Variants in ZNF609 observed in about 807,000 individuals in gnomAD.
The protein encoded by ZNF609 is zinc finger protein 609.
A neutral mutation model predicts 109.5 loss-of-function variants in ZNF609; 11 were observed. That is an observed-to-expected ratio of 0.10 (90% CI 0.06 to 0.17). ZNF609 has a LOEUF of 0.17. Ranked by LOEUF, ZNF609 falls within the 10% of genes least tolerant of loss-of-function variation. The pLI, the probability that ZNF609 is intolerant of heterozygous loss-of-function variation, is 1.00. For missense variants in ZNF609, 1,559 were observed against 1,772.4 expected (o/e 0.88, Z 2.16); for synonymous variants, 646 against 662.0 (o/e 0.98, Z 0.37).
At chr15:64,643,546 A>T (rs1027357800) in intron 3 of ZNF609, among the ~76,000 whole-genome samples, 1 of 152,112 alleles carries the variant, frequency 6.6e-6, no homozygotes, top group African/African-American at 2.4e-5. Flanking sequence ...GGTTAAAAGG[A>T]CCTTTGGCCA....
intron 2 of ZNF609, among the ~76,000 whole-genome samples, chr15:64,606,001 C>T (rs369554919): frequency 6.0e-5 from 9 of 149,302 alleles, no homozygotes; most frequent in African/African-American, 2.2e-4. Flanking sequence ...GTGATCCACC[C>T]GCCTCGGCCT....
At chr15:64,603,851 T>C (rs897710391) in intron 2 of ZNF609, among the ~76,000 whole-genome samples, 2 of 150,856 alleles carry the variant, frequency 1.3e-5, no homozygotes, top group Non-Finnish European at 3.0e-5. Flanking sequence ...TAAAAAAAAA[T>C]AGCCAGGCAT....
chr15:64,658,402 G>T (rs1374016998), intron 3 of ZNF609, among the ~76,000 whole-genome samples: 2 of 152,048 alleles, frequency 1.3e-5, no homozygotes, highest in Non-Finnish European at 2.9e-5. Flanking sequence ...TCCCCATGTT[G>T]ATCAGATTGG....
rs116087052 is a variant in ZNF609, at chr15:64,635,652, A to G, written c.973+12600A>G. Among the ~76,000 whole-genome samples, 927 of 152,294 alleles carry G rather than the reference A, an allele frequency of 6.1e-3. 9 individuals carry two copies. The highest frequency in any genetic ancestry group is 0.021 in the African/African-American group (871 of 41,552). On this transcript the variant is annotated intron_variant, in intron 3 of 9. Transcript: ENST00000326648. ...GGTCTTAGTGCTTACACTGCTAAAAACAGGTCCTGGCCCTGCCCTATTTGA... is the reference window on the plus strand; with the variant it reads ...GGTCTTAGTGCTTACACTGCTAAAAGCAGGTCCTGGCCCTGCCCTATTTGA...
intron 1 of ZNF609, among the ~76,000 whole-genome samples, chr15:64,463,291 G>A (rs1198229697): frequency 6.6e-6 from 1 of 151,988 alleles, no homozygotes; most frequent in Admixed American, 6.6e-5. Context: ...CCAGCTTCTT[G>A]GGAGGCTGAG....
chr15:64,487,375 T>G lies in ZNF609; in HGVS notation c.-127-11918T>G, dbSNP rs1893347223. On this transcript the variant is annotated intron_variant, in intron 1 of 9. Transcript: ENST00000326648. ...TTCTCTTGTTCATAGGTATTTATTT[T>G]ACTTTTTTAAAAAGTATAATATGTA... Among the ~76,000 whole-genome samples, 6 of 152,324 alleles carry G rather than the reference T, an allele frequency of 3.9e-5. No homozygotes were observed. The South Asian group carries it at 1.2e-3, about 32-fold the overall frequency.
chr15:64,479,200 T>C (rs1893213592), intron 1 of ZNF609, among the ~76,000 whole-genome samples: 1 of 151,052 alleles, frequency 6.6e-6, no homozygotes, highest in African/African-American at 2.4e-5. Context: ...AATTCAGTTA[T>C]AACAAGGTCA....
At chr15:64,502,260 C>T (rs1420873565) in intron 2 of ZNF609, 4 of 152,146 alleles carry the variant, frequency 2.6e-5, no homozygotes, top group Non-Finnish European at 5.9e-5. Flanking sequence ...CAGTCTGGTC[C>T]TGAGGGTGCC....
At chr15:64,615,864 C>G (rs1432791708) in intron 2 of ZNF609, among the ~76,000 whole-genome samples, 2 of 152,202 alleles carry the variant, frequency 1.3e-5, no homozygotes, top group Non-Finnish European at 2.9e-5. Flanking sequence ...ACATCCCCAA[C>G]TACCTTTTTA....
intron 2 of ZNF609, among the ~76,000 whole-genome samples, chr15:64,573,624 A>T (rs902667621): frequency 3.3e-5 from 5 of 151,776 alleles, no homozygotes; most frequent in Admixed American, 3.3e-4. Context: ...CGGCCTCCCA[A>T]AATGCTGGGA....
intron 2 of ZNF609, among the ~76,000 whole-genome samples, chr15:64,583,752 G>A (rs976387385): frequency 1.3e-5 from 2 of 152,158 alleles, no homozygotes; most frequent in African/African-American, 4.8e-5. Flanking sequence ...GGAGGTGGGA[G>A]GAGGCTGCCT....
intron 2 of ZNF609, among the ~76,000 whole-genome samples, chr15:64,556,672 G>T (rs1258312391): frequency 1.3e-5 from 2 of 152,116 alleles, no homozygotes; most frequent in Non-Finnish European, 2.9e-5. Context: ...CATAATGCCA[G>T]TGTATTTAGT....
chr15:64,483,091 CTT>C (rs1893278819), intron 1 of ZNF609, among the ~76,000 whole-genome samples: 1 of 151,376 alleles, frequency 6.6e-6, no homozygotes. Flanking sequence ...TCAGTTTTTT[CTT>C]TCTTTTTTTT....
At chr15:64,681,490 C>A in intron 9 of ZNF609, 103 bp downstream of exon 9, 1 of 979,382 alleles carries the variant, frequency 1.0e-6, no homozygotes, top group Non-Finnish European at 1.6e-6. Flanking sequence ...GGTCAGCAGT[C>A]TGGAATCCAT....
chr15:64,608,485 G>A (rs1034138192), intron 2 of ZNF609, among the ~76,000 whole-genome samples: 14 of 151,896 alleles, frequency 9.2e-5, no homozygotes, highest in Admixed American at 2.0e-4. Context: ...GTTTTTCTGG[G>A]TGTGTGTAGT....
At chr15:64,669,830 G>A (rs1239179631) in intron 3 of ZNF609, among the ~76,000 whole-genome samples, 1 of 152,056 alleles carries the variant, frequency 6.6e-6, no homozygotes, top group African/African-American at 2.4e-5. Context: ...ACTATGCCCA[G>A]CTAATTTTTG....
At chr15:64,593,105 A>T in intron 2 of ZNF609, 1 of 1,593,726 alleles carries the variant, frequency 6.3e-7, no homozygotes, top group Non-Finnish European at 8.5e-7. Flanking sequence ...CGTCATTCGA[A>T]ACATAGTGGA....
In ZNF609 at chr15:64,637,453, A is replaced by G. The variant is rs550907833; in HGVS notation, c.973+14401A>G. 2.0e-5 allele frequency among the ~76,000 whole-genome samples: 3 copies of G among 152,354 alleles called. 1 individual carries two copies. In the South Asian group the frequency reaches 6.2e-4, roughly 32 times the overall value. On this transcript the variant is annotated intron_variant, in intron 3 of 9. Coordinates refer to ENST00000326648, the MANE Select transcript of ZNF609 (RefSeq NM_015042.2). ...AGGTATGTGTATGATCAACTTGAAT[A>G]GACATCACAAGTTTCCCAAAATGTG...
At chr15:64,529,819 C>T (rs1478199201) in intron 2 of ZNF609, 18 of 440,922 alleles carry the variant, frequency 4.1e-5, no homozygotes, top group Non-Finnish European at 6.8e-5. Context: ...CAACCTCTGC[C>T]TCCTGGGTTT....
Sources: gnomAD v4.1 joint callset for allele counts (sites outside exome capture counted in the v4.1 genomes callset) on GRCh38, gnomAD v4.1.1 for gene constraint, MANE v1.5 for transcripts, NCBI Gene and HGNC (gene_info 2026-07-23, HGNC 2026-07-21) for gene names.